Variants in GRM4 observed in about 807,000 individuals in gnomAD.
GRM4 encodes the protein glutamate metabotropic receptor 4, also known as metabotropic glutamate receptor 4.
GRM4 carries 28 observed loss-of-function variants against 81.7 expected under a neutral mutation model. That is an observed-to-expected ratio of 0.34 (90% CI 0.25 to 0.47). The LOEUF is 0.47. GRM4 is among the 20% of genes least tolerant of loss of function. The pLI is 1.00. For synonymous variants in GRM4, 488 were observed against 528.8 expected (o/e 0.92, Z 1.06); for missense variants, 948 against 1,290.0 (o/e 0.73, Z 4.06).
At chr6:34,044,161 T>C (rs1028734988) in intron 6 of GRM4, among the ~76,000 whole-genome samples, 8 of 145,002 alleles carry the variant, frequency 5.5e-5, no homozygotes, top group East Asian at 4.2e-4. Context: ...TATATACACA[T>C]ACACACACAT....
chr6:34,141,772 C>A (rs1360819100), intron 1 of GRM4, among the ~76,000 whole-genome samples: 2 of 152,146 alleles, frequency 1.3e-5, no homozygotes, highest in African/African-American at 4.8e-5. Context: ...TGCCTCCCTT[C>A]CAGGAGCAGG....
In GRM4 at chr6:34,078,490, C is replaced by T. The variant is rs960729787; in HGVS notation, c.736+13393G>A. 2.6e-5 allele frequency among the ~76,000 whole-genome samples: 4 copies of T among 152,174 alleles called. No homozygotes were observed. The highest frequency in any genetic ancestry group is 5.9e-5 in the Non-Finnish European group (4 of 68,042). On this transcript the variant is annotated intron_variant, in intron 3 of 10. Transcript: ENST00000538487. This position sits in a 1 kb window ranked among gnomAD's most constrained non-coding sequence, Gnocchi z 4.8. The stretch of plus-strand genomic sequence containing the variant: ...GTCCACACCTTCCCTTCTTCCACCC[C>T]GTCTTCTTCCCCACCTCCACCTTTC...
At chr6:34,125,893 CTA>C (rs1770003307) in intron 2 of GRM4, among the ~76,000 whole-genome samples, 1 of 152,234 alleles carries the variant, frequency 6.6e-6, no homozygotes, top group Admixed American at 6.5e-5. Context: ...TCAGCAAGAC[CTA>C]CTTCGGACAA....
intron 2 of GRM4, among the ~76,000 whole-genome samples, chr6:34,105,724 C>T (rs1329746803): frequency 6.6e-6 from 1 of 152,176 alleles, no homozygotes; most frequent in Non-Finnish European, 1.5e-5. Context: ...CTGCTGCTCC[C>T]CTGGGCTATC....
intron 6 of GRM4, among the ~76,000 whole-genome samples, chr6:34,043,986 G>C (rs1720974797): frequency 6.6e-6 from 1 of 151,932 alleles, no homozygotes; most frequent in Admixed American, 6.6e-5. Flanking sequence ...GGAAAGACTG[G>C]GGTGCAGTGA....
At chr6:34,118,612 G>T (rs1769686307) in intron 2 of GRM4, among the ~76,000 whole-genome samples, 1 of 152,182 alleles carries the variant, frequency 6.6e-6, no homozygotes, top group Non-Finnish European at 1.5e-5. Context: ...GAGCTATTAG[G>T]ATTTATCCCT....
intron 1 of GRM4, among the ~76,000 whole-genome samples, chr6:34,134,135 C>G (rs1483006707): frequency 6.6e-6 from 1 of 152,176 alleles, no homozygotes; most frequent in Non-Finnish European, 1.5e-5. Flanking sequence ...TCCCCAGGAA[C>G]AGCCTCGAAC....
At chr6:34,110,238 G>A (rs145691081) in intron 2 of GRM4, among the ~76,000 whole-genome samples, 2,589 of 149,748 alleles carry the variant, frequency 0.017, 21 homozygotes, top group African/African-American at 0.033. Flanking sequence ...AGGCTGCAGT[G>A]AGCCATGGTT....
intron 1 of GRM4, among the ~76,000 whole-genome samples, chr6:34,141,083 A>G (rs994754255): frequency 1.3e-5 from 2 of 151,972 alleles, no homozygotes; most frequent in African/African-American, 4.9e-5. Flanking sequence ...TAGCAATGAC[A>G]GAGTTTTTAC....
chr6:34,061,793 G>T, intron 4 of GRM4, 100 bp downstream of exon 4: 3 of 1,291,356 alleles, frequency 2.3e-6, no homozygotes, highest in Non-Finnish European at 3.3e-6. Flanking sequence ...CCCAGGGTGG[G>T]GTCAGGCTCG....
At chr6:34,040,838 G>GGTGGCCA in intron 6 of GRM4, 90 bp from the exon 7 acceptor site, 1 of 1,081,634 alleles carries the variant, frequency 9.2e-7, no homozygotes, top group Non-Finnish European at 1.4e-6. Context: ...CTGGCCACCT[G>GGTGGCCA]GAGAAGTGGC....
chr6:34,116,548 AT>A (rs1769604782), intron 2 of GRM4, among the ~76,000 whole-genome samples: 1 of 152,200 alleles, frequency 6.6e-6, no homozygotes, highest in South Asian at 2.1e-4. Context: ...CAAATGTGGA[AT>A]TACCAAAGCA....
Position 34,091,650 on chromosome 6 carries a change from C to G in GRM4, c.736+233G>C. The G allele has an allele frequency of 1.6e-5, 9 of 577,752 alleles. No homozygotes were observed. In the South Asian group the frequency reaches 1.9e-4, roughly 12 times the overall value. 35.8% of individuals were successfully genotyped at this position (577,752 alleles called of 1,614,324 possible). A position where few individuals can be genotyped will look rare whatever the true frequency, so the allele number is the denominator to read the frequency against. The stretch of plus-strand genomic sequence containing the variant: ...CCAGGGAGGTCAACAGTCCCCTCAT[C>G]TGCACACCCACGTCTGCAAAGGCCT... On this transcript the variant is annotated intron_variant, in intron 3 of 10. Coordinates refer to ENST00000538487, the MANE Select transcript of GRM4 (RefSeq NM_000841.4).
At chr6:34,044,889 TACAC>T (rs796875330) in intron 6 of GRM4, among the ~76,000 whole-genome samples, 1,651 of 126,780 alleles carry the variant, frequency 0.013, 29 homozygotes, top group Middle Eastern at 0.019. Context: ...TATACAGACA[TACAC>T]ATACACACAC....
In GRM4 at chr6:34,090,647, C is replaced by T. The variant is rs778432263; in HGVS notation, c.736+1236G>A. On this transcript the variant is annotated intron_variant, in intron 3 of 10. Transcript: ENST00000538487. This position sits in a 1 kb window ranked among gnomAD's most constrained non-coding sequence, Gnocchi z 5.2. ...AGTGCTGCCCCACTTCCCGCCGCCCCGCTGCCCCCTCCACCAGGTGGAGGC... is the reference window on the plus strand; with the variant it reads ...AGTGCTGCCCCACTTCCCGCCGCCCTGCTGCCCCCTCCACCAGGTGGAGGC... 2.8e-3 allele frequency among the ~76,000 whole-genome samples: 433 copies of T among 152,160 alleles called. 2 individuals are homozygous for T. Among genetic ancestry groups the T allele is most frequent in the Non-Finnish European group, 1.7e-3 (117 of 67,994 alleles).
rs542516881 is a variant in GRM4 at position 34,022,767 on chromosome 6, G to A, written c.*54C>T. 2.6e-4 allele frequency: 391 copies of A among 1,508,518 alleles called. 3 individuals carry two copies. In the South Asian group the frequency reaches 3.8e-3, roughly 15 times the overall value. 93.4% of individuals were successfully genotyped at this position (1,508,518 alleles called of 1,614,324 possible). A position where few individuals can be genotyped will look rare whatever the true frequency, so the allele number is the denominator to read the frequency against. ...CCCTTGGGTGTGGCCCTGGCCCGAC[G>A]CACCTTCCACAGGGTCACGGCTCCT... is the stretch of plus-strand genomic sequence containing the variant. On this transcript the variant is annotated 3_prime_UTR_variant, in exon 11 of 11. Coordinates refer to ENST00000538487, the MANE Select transcript of GRM4 (RefSeq NM_000841.4). The surrounding 1 kb of genome is among the most constrained non-coding windows in gnomAD (Gnocchi z 5.6).
At position 34,059,445 on chromosome 6, in the gene GRM4, C is replaced by A. The variant is rs984330367; in HGVS notation, c.873-317G>T. On this transcript the variant is annotated intron_variant, in intron 4 of 10. Transcript: ENST00000538487. The surrounding 1 kb of genome is among the most constrained non-coding windows in gnomAD (Gnocchi z 5.7). The stretch of plus-strand genomic sequence containing the variant: ...TCTCCCCTCCAGATCCACACCCGCC[C>A]CACGTCTGACTCAGGCCCCACAACC... The A allele has an allele frequency of 1.0e-5, 4 of 388,918 alleles. No individual in the cohort carries two copies. The highest frequency in any genetic ancestry group is 1.4e-5 in the Non-Finnish European group (3 of 207,706). 24.1% of individuals were successfully genotyped at this position (388,918 alleles called of 1,614,324 possible). A position where few individuals can be genotyped will look rare whatever the true frequency, so the allele number is the denominator to read the frequency against.
At chr6:34,155,099 G>A (rs1771122745) in exon 1 of GRM4, 5 of 1,526,396 alleles carry the variant, frequency 3.3e-6, no homozygotes, top group Non-Finnish European at 3.5e-6. Flanking sequence ...TCCGGAAGGA[G>A]GCAGCGGGGG....
At chr6:34,104,261 G>A (rs1769004801) in intron 2 of GRM4, among the ~76,000 whole-genome samples, 1 of 152,222 alleles carries the variant, frequency 6.6e-6, no homozygotes. Context: ...GAGCAGGGTG[G>A]GCTTCCCCGG....
Sources: allele counts gnomAD v4.1 joint callset (sites outside exome capture counted in the v4.1 genomes callset), GRCh38; gene constraint gnomAD v4.1.1; non-coding constraint Gnocchi (gnomAD v3.1); transcripts MANE v1.5; gene names NCBI Gene and HGNC (gene_info 2026-07-23, HGNC 2026-07-21).